Variants in CELSR1 observed in about 807,000 individuals in gnomAD.
The protein encoded by CELSR1 is adhesion G protein-coupled receptor C1.
A neutral mutation model predicts 249.1 loss-of-function variants in CELSR1; 110 were observed. The ratio of observed to expected loss-of-function variants is 0.44; its 90% CI spans 0.38 to 0.52. The LOEUF (loss-of-function observed/expected upper bound fraction) is 0.52. Ranked by LOEUF, CELSR1 falls within the 20% of genes least tolerant of loss-of-function variation. The pLI is 0.00. For missense variants in CELSR1, 4,109 were observed against 4,296.4 expected, an observed-to-expected ratio of 0.96 and a Z score of 1.22; for synonymous variants, 2,113 against 1,900.0, an observed-to-expected ratio of 1.11 and a Z score of -2.92.
chr22:46,457,087 C>T (rs923878112), intron 2 of CELSR1, among the ~76,000 whole-genome samples: 3 of 152,196 alleles, frequency 2.0e-5, no homozygotes, highest in African/African-American at 7.2e-5. Flanking sequence ...CGTGGACGTA[C>T]AGGGCCCACA....
intron 1 of CELSR1, among the ~76,000 whole-genome samples, chr22:46,479,849 G>A (rs1178197559): frequency 3.3e-5 from 5 of 152,116 alleles, no homozygotes; most frequent in Non-Finnish European, 5.9e-5. Context: ...GGTAACGGGG[G>A]CTGCCTCTCC....
rs2079074661 is a variant in CELSR1, at chr22:46,390,248, C to T, written c.6345+144G>A. ...TCCACAGGAACCTGCTGGCTCCAGGCTGCGGGCCCGTGGGGCTGTCCCTGC... is the reference window on the plus strand; with the variant it reads ...TCCACAGGAACCTGCTGGCTCCAGGTTGCGGGCCCGTGGGGCTGTCCCTGC... On this transcript the variant is annotated intron_variant, in intron 17 of 34. Coordinates refer to ENST00000674500, the MANE Select transcript of CELSR1 (RefSeq NM_001378328.1). This position sits in a 1 kb window ranked among gnomAD's most constrained non-coding sequence, Gnocchi z 6.3. 1.6e-6 allele frequency: 1 copy of T among 621,118 alleles called. No individual in the cohort carries two copies. Among genetic ancestry groups the T allele is most frequent in the Non-Finnish European group, 2.7e-6 (1 of 372,940 alleles). 38.5% of individuals were successfully genotyped at this position (621,118 alleles called of 1,614,324 possible). A position where few individuals can be genotyped will look rare whatever the true frequency, so the allele number is the denominator to read the frequency against.
chr22:46,491,340 T>TGCAA (rs2080365548), intron 1 of CELSR1, among the ~76,000 whole-genome samples: 1 of 148,964 alleles, frequency 6.7e-6, no homozygotes, highest in Non-Finnish European at 1.5e-5. Context: ...CTCAGCTCAC[T>TGCAA]GCAAGCTCTG....
Position 46,389,507 on chromosome 22 carries a change from A to G in CELSR1, c.6346-8T>C. 2 of 1,613,018 alleles carry G rather than the reference A, an allele frequency of 1.2e-6. No homozygotes were observed. The highest frequency in any genetic ancestry group is 1.7e-6 in the Non-Finnish European group (2 of 1,179,988). ...GCGGCTCAGCTTCTCATTCTGGAAC[A>G]GGGAGGCAGTCGTGATGTGTGCAAA... On this transcript the variant is annotated splice_polypyrimidine_tract_variant and splice_region_variant and intron_variant, in intron 17 of 34. Coordinates refer to ENST00000674500, the MANE Select transcript of CELSR1 (RefSeq NM_001378328.1).
In CELSR1 at chr22:46,433,367, G is replaced by A. The variant is rs1433836734; in HGVS notation, c.4611+26C>T. ...ACCTTCTCGAGCCGCCCTGGGGCCA[G>A]GGGGAAGTGGTGGGGCCCATCTTAC... On this transcript the variant is annotated intron_variant, in intron 5 of 34. Coordinates refer to ENST00000674500, the MANE Select transcript of CELSR1 (RefSeq NM_001378328.1). The surrounding 1 kb of genome is among the most constrained non-coding windows in gnomAD (Gnocchi z 5.7). The A allele has an allele frequency of 6.3e-7, 1 of 1,594,116 alleles. No individual in the cohort carries two copies. Among genetic ancestry groups the A allele is most frequent in the African/African-American group, 1.3e-5 (1 of 74,534 alleles).
rs983378652 is a variant in CELSR1 at position 46,380,588 on chromosome 22, T to G, written c.7256+200A>C. Among the ~76,000 whole-genome samples, 1 of 152,186 alleles carries G rather than the reference T, an allele frequency of 6.6e-6. No individual in the cohort carries two copies. The highest frequency in any genetic ancestry group is 1.5e-5 in the Non-Finnish European group (1 of 68,024). ...CCACGTGCAGGTCTGTGTGCATCTG[T>G]GTGTGGACATCTAGGGGAGGACTCT... On this transcript the variant is annotated intron_variant, in intron 22 of 34. Transcript: ENST00000674500. The surrounding 1 kb of genome is among the most constrained non-coding windows in gnomAD (Gnocchi z 5.1).
intron 24 of CELSR1, among the ~76,000 whole-genome samples, 182 bp downstream of exon 24, chr22:46,376,879 G>C (rs2078924428): frequency 6.6e-6 from 1 of 152,154 alleles, no homozygotes; most frequent in South Asian, 2.1e-4. Flanking sequence ...GGGCCTGCCA[G>C]TGAATCCCAC....
At position 46,380,955 on chromosome 22, in the gene CELSR1, C is replaced by T; in HGVS notation, c.7089G>A (p.Arg2363=). 6.2e-7 allele frequency: 1 copy of T among 1,611,424 alleles called. No individual in the cohort carries two copies. The highest frequency in any genetic ancestry group is 8.5e-7 in the Non-Finnish European group (1 of 1,178,404). The change falls in exon 22 of 35, where the codon CGG becomes CGA. Residue 2363 remains arginine (R), a splice_region_variant and synonymous_variant. Transcript: ENST00000674500. This position sits in a 1 kb window ranked among gnomAD's most constrained non-coding sequence, Gnocchi z 5.1. ...TATTAATGATGGGCCGGTGAGGCAACCTGAGGTCAAGAAGCCAGAGCATGG... is the reference window on the plus strand; with the variant it reads ...TATTAATGATGGGCCGGTGAGGCAATCTGAGGTCAAGAAGCCAGAGCATGG... ...ERYDPDRRSL[R]LPHRPIINTP...
intron 1 of CELSR1, among the ~76,000 whole-genome samples, chr22:46,520,482 C>T (rs1168210445): frequency 1.3e-5 from 2 of 152,020 alleles, no homozygotes; most frequent in African/African-American, 2.4e-5. Flanking sequence ...ATTTTTGAGA[C>T]GGAGTCTTGC....
rs1177836551 is a variant in CELSR1, at chr22:46,440,879, G to A, written c.4184-1468C>T. Among the ~76,000 whole-genome samples, 5 of 152,114 alleles carry A rather than the reference G, an allele frequency of 3.3e-5. No homozygotes were observed. Among genetic ancestry groups the A allele is most frequent in the Non-Finnish European group, 7.4e-5 (5 of 68,018 alleles). ...GTTAAAAGACTGCCACAGGCCAGAC[G>A]CAATGGCTCACACCTATCATCCCAG... is the stretch of plus-strand genomic sequence containing the variant. On this transcript the variant is annotated intron_variant, in intron 2 of 34. Transcript: ENST00000674500. The surrounding 1 kb of genome is among the most constrained non-coding windows in gnomAD (Gnocchi z 4.7).
At chr22:46,438,877 C>T (rs2079700329) in intron 3 of CELSR1, among the ~76,000 whole-genome samples, 1 of 152,168 alleles carries the variant, frequency 6.6e-6, no homozygotes, top group South Asian at 2.1e-4. Flanking sequence ...CTTGTCTCAG[C>T]CTCCTGAGTA....
chr22:46,456,660 C>CA lies in CELSR1; in HGVS notation c.4183+7046_4183+7047insT, dbSNP rs2079956173. On this transcript the variant is annotated intron_variant, in intron 2 of 34. Coordinates refer to ENST00000674500, the MANE Select transcript of CELSR1 (RefSeq NM_001378328.1). The stretch of plus-strand genomic sequence containing the variant: ...CCTGGGCGACAGAGCGAGACTCTGT[C>CA]TAAAAAAAAAAAAAAAAAAAAAAAA... 4.8e-5 allele frequency among the ~76,000 whole-genome samples: 3 copies of CA among 62,552 alleles called. No homozygotes were observed. In the Admixed American group the frequency reaches 7.3e-4, roughly 15 times the overall value. 41.0% of individuals were successfully genotyped at this position (62,552 alleles called of 152,430 possible).
rs375700564 is a variant in CELSR1, at chr22:46,399,924, C to T, written c.5227-22G>A. The T allele has an allele frequency of 3.9e-5, 63 of 1,612,060 alleles. No homozygotes were observed. The African/African-American group carries it at 4.4e-4, about 11-fold the overall frequency. On this transcript the variant is annotated intron_variant, in intron 9 of 34. Transcript: ENST00000674500. The surrounding 1 kb of genome is among the most constrained non-coding windows in gnomAD (Gnocchi z 5.0). The stretch of plus-strand genomic sequence containing the variant: ...GGATCTGGAGCAGGGAGAGCCACAC[C>T]GACTGATTGGTACAATGACAATGAA...
rs1489144339 is a variant in CELSR1 at position 46,382,061 on chromosome 22, A to G, written c.6884-11T>C. 2.6e-5 allele frequency: 40 copies of G among 1,516,248 alleles called. No homozygotes were observed. The highest frequency in any genetic ancestry group is 3.4e-5 in the Non-Finnish European group (38 of 1,129,480). The allele number at this position is 1,516,248 out of a possible 1,614,324, so 93.9% of individuals were successfully genotyped here. A position where few individuals can be genotyped will look rare whatever the true frequency, so the allele number is the denominator to read the frequency against. ...TCAGCAGGGGGCCTTCTGCAATGTG[A>G]GCAGAAGGTGAGGACTCTGGCAGGA... On this transcript the variant is annotated splice_polypyrimidine_tract_variant and intron_variant, in intron 20 of 34. Transcript: ENST00000674500.
chr22:46,535,969 T>C lies in CELSR1; in HGVS notation c.1202A>G (p.Gln401Arg), dbSNP rs779820515. 8 of 1,610,484 alleles carry C rather than the reference T, an allele frequency of 5.0e-6. 1 individual carries two copies. The South Asian group carries it at 8.8e-5, about 18-fold the overall frequency. ...RVLGGAWDVFQLNESSGVVST... is the reference protein window; with the variant it reads ...RVLGGAWDVFRLNESSGVVST... ...CACCACGCCAGAGCTCTCGTTGAGC[T>C]GGAAGACGTCCCACGCGCCCCCCAA... is the stretch of plus-strand genomic sequence containing the variant. Residue 401 changes from glutamine to arginine, a missense_variant, in exon 1 of 35, where the codon CAG (glutamine) becomes CGG (arginine). Around this residue, in one of 7 missense-constraint regions of CELSR1, gnomAD observed 673 missense variants for 636.8 expected, o/e 1.06. Transcript: ENST00000674500.
chr22:46,535,649 A>G lies in CELSR1; in HGVS notation c.1522T>C (p.Tyr508His). 1 of 1,613,340 alleles carries G rather than the reference A, an allele frequency of 6.2e-7. No homozygotes were observed. Among genetic ancestry groups the G allele is most frequent in the Non-Finnish European group, 8.5e-7 (1 of 1,180,030 alleles). ...AGGATCCCGCTCAGCGAGTGCAGGT[A>G]GAACTGGCCGGCCACGTTCCCGCTG... is the stretch of plus-strand genomic sequence containing the variant. Reference protein sequence around the residue: ...ILSGNVAGQFYLHSLSGILDV... With the variant: ...ILSGNVAGQFHLHSLSGILDV... The change falls in exon 1 of 35, where the codon TAC becomes CAC. Residue 508 changes from tyrosine (Y) to histidine (H), a missense_variant. Around this residue, in one of 7 missense-constraint regions of CELSR1, gnomAD observed 135 missense variants for 190.0 expected, o/e 0.71. Coordinates refer to ENST00000674500, the MANE Select transcript of CELSR1 (RefSeq NM_001378328.1).
intron 5 of CELSR1, among the ~76,000 whole-genome samples, chr22:46,421,483 C>T (rs80145881): frequency 1.2e-4 from 19 of 152,262 alleles, no homozygotes; most frequent in Admixed American, 2.0e-4. Context: ...CCGAGAATCA[C>T]CACGTTTCCA....
Position 46,401,810 on chromosome 22 carries a change from C to T in CELSR1, c.5227-1908G>A, listed in dbSNP as rs761349568. Among the ~76,000 whole-genome samples, 22 of 152,188 alleles carry T rather than the reference C, an allele frequency of 1.4e-4. No homozygotes were observed. Among genetic ancestry groups the T allele is most frequent in the African/African-American group, 5.1e-4 (21 of 41,430 alleles). ...GGACTGGAAGCCCAGCTTTGAACCA[C>T]CTCAGTCTGTGACTGCATTAAACTC... On this transcript the variant is annotated intron_variant, in intron 9 of 34. Transcript: ENST00000674500. The surrounding 1 kb of genome is among the most constrained non-coding windows in gnomAD (Gnocchi z 4.7).
At chr22:46,424,566 CACT>C (rs1208663540) in intron 5 of CELSR1, among the ~76,000 whole-genome samples, 2 of 152,182 alleles carry the variant, frequency 1.3e-5, no homozygotes, top group African/African-American at 4.8e-5. Context: ...AACGTTCCAT[CACT>C]ACAAGGACCC....
Sources: allele counts gnomAD v4.1 joint callset (sites outside exome capture counted in the v4.1 genomes callset), GRCh38; gene constraint gnomAD v4.1.1; regional missense constraint gnomAD v4.1.1; non-coding constraint Gnocchi (gnomAD v3.1); transcripts MANE v1.5; gene names NCBI Gene and HGNC (gene_info 2026-07-23, HGNC 2026-07-21).